NFIC: variants seen among roughly 807,000 people sequenced by gnomAD.
NFIC encodes nuclear factor I C.
In NFIC, 12 loss-of-function variants were observed where a neutral mutation model predicts 54.4. The ratio of observed to expected loss-of-function variants is 0.22; its 90% confidence interval spans 0.14 to 0.36. NFIC has a LOEUF of 0.36. Ranked by LOEUF, NFIC falls within the 10% of genes least tolerant of loss-of-function variation. The probability of loss-of-function intolerance (pLI) is 1.00; values close to 1 mark genes in which losing one functional copy is unlikely to be tolerated. For synonymous variants in NFIC, 322 were observed against 319.2 expected, an observed-to-expected ratio of 1.01 and a Z score of -0.09; for missense variants, 575 against 718.2, an observed-to-expected ratio of 0.80 and a Z score of 2.28.
At chr19:3,437,179 AAC>A (rs1179692184) in intron 6 of NFIC, among the ~76,000 whole-genome samples, 1 of 152,054 alleles carries the variant, frequency 6.6e-6, no homozygotes, top group Non-Finnish European at 1.5e-5. Flanking sequence ...CATCCCGGCT[AAC>A]ACAGTGAAAC....
At chr19:3,393,098 A>C (rs527395817) in intron 2 of NFIC, among the ~76,000 whole-genome samples, 1 of 151,788 alleles carries the variant, frequency 6.6e-6, no homozygotes, top group Admixed American at 6.6e-5. Context: ...CCGCCACCAC[A>C]CCCAGCTAAT....
In NFIC at chr19:3,464,473, G is replaced by T; in HGVS notation, c.*1704G>T. 1.0e-6 allele frequency: 1 copy of T among 983,872 alleles called. No homozygotes were observed. The highest frequency in any genetic ancestry group is 1.8e-5 in the African/African-American group (1 of 56,864). 60.9% of individuals were successfully genotyped at this position (983,872 alleles called of 1,614,324 possible). A position where few individuals can be genotyped will look rare whatever the true frequency, so the allele number is the denominator to read the frequency against. Reference sequence around the variant, plus strand: ...GCCATCTTTAGGGGAGGCCTGGGAGGGGGTGTTAGGTGTTTTAGGGCCACC... The same window carrying T: ...GCCATCTTTAGGGGAGGCCTGGGAGTGGGTGTTAGGTGTTTTAGGGCCACC... On this transcript the variant is annotated 3_prime_UTR_variant, in exon 11 of 11. Transcript: ENST00000443272.
chr19:3,444,197 CGT>C (rs71940828), intron 6 of NFIC, among the ~76,000 whole-genome samples: 4,166 of 122,760 alleles, frequency 0.034, 197 homozygotes, highest in African/African-American at 0.11. Flanking sequence ...GTCAGATGGG[CGT>C]GTGTGACAAA....
At chr19:3,437,026 C>A (rs953493120) in intron 6 of NFIC, among the ~76,000 whole-genome samples, 6 of 152,024 alleles carry the variant, frequency 3.9e-5, no homozygotes, top group Non-Finnish European at 8.8e-5. Context: ...CTGGCCCATG[C>A]GACATACCCG....
chr19:3,425,107 T>C lies in NFIC; in HGVS notation c.564T>C (p.Asp188=), dbSNP rs763090670. ...AGTGTTTCTTCCCTCTCTTTGCAGATGCAGAGCAAAGCGGCAGTCCCCGGA... is the reference window on the plus strand; with the variant it reads ...AGTGTTTCTTCCCTCTCTTTGCAGACGCAGAGCAAAGCGGCAGTCCCCGGA... ...LYLAYFVRER[D]AEQSGSPRTG... is the part of the protein sequence containing the mutation. Residue 188 remains aspartate (D), a splice_region_variant and synonymous_variant, in exon 3 of 11, where the codon GAT becomes GAC. Transcript: ENST00000443272. 1.2e-6 allele frequency: 2 copies of C among 1,613,276 alleles called. No individual in the cohort carries two copies. Among genetic ancestry groups the C allele is most frequent in the Non-Finnish European group, 1.7e-6 (2 of 1,179,932 alleles).
intron 1 of NFIC, among the ~76,000 whole-genome samples, chr19:3,368,914 TGTGTG>T (rs899199399): frequency 3.6e-4 from 2 of 5,606 alleles, no homozygotes; most frequent in Non-Finnish European, 6.5e-4. Context: ...GCTCTGACTC[TGTGTG>T]TGTGTGTGTG....
intron 2 of NFIC, among the ~76,000 whole-genome samples, chr19:3,398,982 TC>T (rs1325348630): frequency 1.3e-5 from 2 of 152,236 alleles, no homozygotes; most frequent in Non-Finnish European, 2.9e-5. Flanking sequence ...CTATATTCTT[TC>T]CCCAGGGCGG....
intron 9 of NFIC, among the ~76,000 whole-genome samples, chr19:3,455,807 A>G (rs894276392): frequency 2.0e-5 from 3 of 152,300 alleles, no homozygotes; most frequent in African/African-American, 7.2e-5. Context: ...AGTGCCTGGC[A>G]TACAGTACAC....
At chr19:3,417,689 A>ATG (rs2081885201) in intron 2 of NFIC, among the ~76,000 whole-genome samples, 1 of 143,174 alleles carries the variant, frequency 7.0e-6, no homozygotes, top group South Asian at 2.2e-4. Flanking sequence ...GCAGTGGCGC[A>ATG]ATCTCGGCTC....
chr19:3,407,938 T>A (rs2081681336), intron 2 of NFIC, among the ~76,000 whole-genome samples: 1 of 152,126 alleles, frequency 6.6e-6, no homozygotes, highest in Non-Finnish European at 1.5e-5. Flanking sequence ...AGGTCACTCG[T>A]ATATTCCATT....
intron 2 of NFIC, among the ~76,000 whole-genome samples, chr19:3,419,661 A>G (rs2081922313): frequency 6.6e-6 from 1 of 151,784 alleles, no homozygotes; most frequent in Non-Finnish European, 1.5e-5. Flanking sequence ...ATTAGATTAC[A>G]GGTGGCACAC....
chr19:3,462,859 A>T lies in NFIC; in HGVS notation c.*90A>T. 1 of 1,607,300 alleles carries T rather than the reference A, an allele frequency of 6.2e-7. No individual in the cohort carries two copies. Among genetic ancestry groups the T allele is most frequent in the East Asian group, 2.2e-5 (1 of 44,756 alleles). ...CCCCCGGCCCACGTTTTCGGTGGAA[A>T]ATTAGAGTGAACAAGAACACCCCTG... On this transcript the variant is annotated 3_prime_UTR_variant, in exon 11 of 11. Transcript: ENST00000443272.
chr19:3,462,454 G>A (rs1364620499), intron 10 of NFIC, among the ~76,000 whole-genome samples: 1 of 152,202 alleles, frequency 6.6e-6, no homozygotes, highest in Non-Finnish European at 1.5e-5. Context: ...TGGTGTGTAA[G>A]TATATCCCCA....
At chr19:3,373,000 G>A (rs893677097) in intron 1 of NFIC, among the ~76,000 whole-genome samples, 20 of 152,030 alleles carry the variant, frequency 1.3e-4, no homozygotes, top group South Asian at 4.1e-4. Context: ...GTGTGTCACC[G>A]CACCTGGCTA....
chr19:3,432,859 G>T (rs1397982257), intron 3 of NFIC, among the ~76,000 whole-genome samples: 1 of 151,952 alleles, frequency 6.6e-6, no homozygotes, highest in Non-Finnish European at 1.5e-5. Flanking sequence ...ATTTTTAGGA[G>T]ACAGGGTTTC....
At chr19:3,384,052 T>TG (rs1457616960) in intron 2 of NFIC, among the ~76,000 whole-genome samples, 6 of 99,808 alleles carry the variant, frequency 6.0e-5, no homozygotes, top group Admixed American at 4.7e-4. Context: ...ACCCAGTGTT[T>TG]TTTTTTTTTT....
Position 3,468,753 on chromosome 19 carries a change from T to G in NFIC, c.*5984T>G, listed in dbSNP as rs927354895. 6.6e-6 allele frequency: 1 copy of G among 152,110 alleles called. No homozygotes were observed. Among genetic ancestry groups the G allele is most frequent in the African/African-American group, 2.4e-5 (1 of 41,408 alleles). 9.4% of individuals were successfully genotyped at this position (152,110 alleles called of 1,614,324 possible). A position where few individuals can be genotyped will look rare whatever the true frequency, so the allele number is the denominator to read the frequency against. On this transcript the variant is annotated 3_prime_UTR_variant, in exon 11 of 11. Coordinates refer to ENST00000443272, the MANE Select transcript of NFIC (RefSeq NM_001245002.2). ...TTGTATTTTACTGATATCACCAGGA[T>G]AGTTTACTCTCCTTCTAGCTTTCTG...
chr19:3,362,464 C>G (rs76373253), upstream of NFIC, among the ~76,000 whole-genome samples: 1,505 of 151,502 alleles, frequency 9.9e-3, 25 homozygotes, highest in African/African-American at 0.034. Context: ...TATCTGAGGT[C>G]AGGTGTGGGG....
At position 3,463,314 on chromosome 19, in the gene NFIC, C is replaced by G; in HGVS notation, c.*545C>G. 1 of 987,402 alleles carries G rather than the reference C, an allele frequency of 1.0e-6. No homozygotes were observed. The highest frequency in any genetic ancestry group is 4.7e-5 in the South Asian group (1 of 21,470). 61.2% of individuals were successfully genotyped at this position (987,402 alleles called of 1,614,324 possible). ...GGACACGGACCGGCCCCTCAGCCCC[C>G]ACCGAGGACGCAGCCACTGGGGGGA... On this transcript the variant is annotated 3_prime_UTR_variant, in exon 11 of 11. Transcript: ENST00000443272.
Sources: allele counts gnomAD v4.1 joint callset (sites outside exome capture counted in the v4.1 genomes callset), GRCh38; gene constraint gnomAD v4.1.1; transcripts MANE v1.5; gene names NCBI Gene and HGNC (gene_info 2026-07-23, HGNC 2026-07-21).